FGD5: variants seen among roughly 807,000 people sequenced by gnomAD.
FGD5 encodes FYVE, RhoGEF and PH domain containing 5.
Under a neutral mutation model 133.4 loss-of-function variants are expected in FGD5, and 28 were observed. The observed-to-expected ratio is 0.21, with a 90% CI of 0.16 to 0.29. The LOEUF (loss-of-function observed/expected upper bound fraction) is 0.29. FGD5 is among the 10% of genes least tolerant of loss of function. The pLI is 1.00. For synonymous variants in FGD5, 810 were observed against 776.5 expected (o/e 1.04, Z -0.72); for missense variants, 1,858 against 1,895.2 (o/e 0.98, Z 0.36).
chr3:14,882,264 G>C lies in FGD5; in HGVS notation c.2748+1492G>C, dbSNP rs1234095277. ...CATGACAGAGGGGCTGGGCAATTTTGTTTTATGACTTCATAAGAGGGTTTT... is the reference window on the plus strand; with the variant it reads ...CATGACAGAGGGGCTGGGCAATTTTCTTTTATGACTTCATAAGAGGGTTTT... On this transcript the variant is annotated intron_variant, in intron 4 of 19. Coordinates refer to ENST00000285046, the MANE Select transcript of FGD5 (RefSeq NM_152536.4). The C allele has an allele frequency of 3.0e-6, 3 of 984,546 alleles. No homozygotes were observed. In the African/African-American group the frequency reaches 5.2e-5, roughly 17 times the overall value. The allele number at this position is 984,546 out of a possible 1,614,324, so 61.0% of individuals were successfully genotyped here.
chr3:14,824,972 C>T (rs1185327962), intron 1 of FGD5, among the ~76,000 whole-genome samples: 1 of 152,148 alleles, frequency 6.6e-6, no homozygotes, highest in Non-Finnish European at 1.5e-5. Context: ...GACTTTCTAC[C>T]TGGCAAAACC....
At chr3:14,868,194 G>A (rs2037533069) in intron 2 of FGD5, among the ~76,000 whole-genome samples, 1 of 152,146 alleles carries the variant, frequency 6.6e-6, no homozygotes, top group African/African-American at 2.4e-5. Context: ...CCCTGACAAT[G>A]AGTCTAATGG....
At position 14,844,216 on chromosome 3, in the gene FGD5, AAATATATATATATATAT is replaced by A. The variant is rs1411035896; in HGVS notation, c.2526-19910_2526-19894del. Among the ~76,000 whole-genome samples the A allele has an allele frequency of 1.6e-3, 49 of 30,378 alleles. 7 individuals are homozygous for A. The highest frequency in any genetic ancestry group is 5.1e-3 in the South Asian group (4 of 786). The allele number at this position is 30,378 out of a possible 152,430, so 19.9% of individuals were successfully genotyped here. ...TCTTAATAGGCATTAAAAAAAAAAA[AAATATATATATATATAT>A]ATATATATATATATATATATATATA... On this transcript the variant is annotated intron_variant, in intron 1 of 19. Coordinates refer to ENST00000285046, the MANE Select transcript of FGD5 (RefSeq NM_152536.4).
intron 1 of FGD5, among the ~76,000 whole-genome samples, chr3:14,831,126 G>A (rs1442457254): frequency 6.6e-6 from 1 of 152,164 alleles, no homozygotes; most frequent in Non-Finnish European, 1.5e-5. Context: ...CAGGAGCAAA[G>A]GCCCTTTGTG....
intron 1 of FGD5, among the ~76,000 whole-genome samples, chr3:14,827,254 G>A (rs2036616074): frequency 6.7e-6 from 1 of 150,202 alleles, no homozygotes; most frequent in Admixed American, 6.6e-5. Flanking sequence ...GTTTTCTGTG[G>A]TCGCAAATTG....
intron 1 of FGD5, among the ~76,000 whole-genome samples, chr3:14,854,975 A>G (rs1046650210): frequency 6.6e-6 from 1 of 152,158 alleles, no homozygotes; most frequent in Non-Finnish European, 1.5e-5. Context: ...ATCTGGCTGT[A>G]TCTTTTATTC....
chr3:14,923,763 G>A (rs186541314), intron 16 of FGD5, among the ~76,000 whole-genome samples: 3 of 152,330 alleles, frequency 2.0e-5, no homozygotes, highest in East Asian at 3.9e-4. Flanking sequence ...AGACAGCCCA[G>A]TCCCTGCTAC....
intron 4 of FGD5, 142 bp downstream of exon 4, chr3:14,880,914 A>G (rs2125118009): frequency 9.1e-7 from 1 of 1,100,532 alleles, no homozygotes; most frequent in Non-Finnish European, 1.3e-6. Context: ...GACGCTTTTC[A>G]GGGAAGTCCG....
chr3:14,826,151 G>A (rs777058588), intron 1 of FGD5, among the ~76,000 whole-genome samples: 3 of 151,362 alleles, frequency 2.0e-5, no homozygotes, highest in Non-Finnish European at 4.4e-5. Flanking sequence ...TTATGAAAAT[G>A]TTCAAAAAGT....
intron 7 of FGD5, among the ~76,000 whole-genome samples, chr3:14,899,798 G>A (rs1214402684): frequency 6.6e-6 from 1 of 152,210 alleles, no homozygotes; most frequent in Non-Finnish European, 1.5e-5. Flanking sequence ...GAACAGGGCT[G>A]CTGTGTTAGC....
chr3:14,922,002 C>A lies in FGD5; in HGVS notation c.3654C>A (p.Phe1218Leu), dbSNP rs1354750375. Reference protein sequence around the residue: ...EDYKAQALAAFHHSVEIRERL... With the variant: ...EDYKAQALAALHHSVEIRERL... ...ACAAGGCCCAGGCGCTGGCTGCATT[C>A]CACCATAGCGTGGAGGTGAGTGGGT... is the stretch of plus-strand genomic sequence containing the variant. The change falls in exon 14 of 20, where the codon TTC (phenylalanine) becomes TTA (leucine). Residue 1218 changes from phenylalanine (F) to leucine (L), a missense_variant. By Grantham distance (22) the Phe-to-Leu change is conservative. Coordinates refer to ENST00000285046, the MANE Select transcript of FGD5 (RefSeq NM_152536.4). The surrounding 1 kb of genome is among the most constrained non-coding windows in gnomAD (Gnocchi z 4.1). 1 of 1,561,768 alleles carries A rather than the reference C, an allele frequency of 6.4e-7. No homozygotes were observed. The highest frequency in any genetic ancestry group is 1.9e-5 in the Admixed American group (1 of 52,296).
chr3:14,833,127 G>C (rs1236985436), intron 1 of FGD5, among the ~76,000 whole-genome samples: 1 of 152,200 alleles, frequency 6.6e-6, no homozygotes, highest in African/African-American at 2.4e-5. Context: ...CAGCCACTGA[G>C]CCATGTGTCG....
upstream of FGD5, among the ~76,000 whole-genome samples, chr3:14,816,349 C>T (rs565880689): frequency 7.7e-4 from 118 of 152,296 alleles, 1 homozygote; most frequent in African/African-American, 2.6e-3. Context: ...TCATATTACG[C>T]AGTGTATCAG....
chr3:14,902,281 TAAAAA>T (rs34728691), intron 9 of FGD5, among the ~76,000 whole-genome samples: 1 of 124,486 alleles, frequency 8.0e-6, no homozygotes, highest in African/African-American at 3.1e-5. Flanking sequence ...GATTCCATCT[TAAAAA>T]AAAAAAAAAA....
intron 9 of FGD5, 82 bp downstream of exon 9, chr3:14,901,143 C>A: frequency 6.9e-7 from 1 of 1,444,368 alleles, no homozygotes; most frequent in Non-Finnish European, 9.8e-7. Context: ...TTCTGATGCC[C>A]CACTCCTAGG....
At chr3:14,920,189 A>C (rs951777939) in intron 13 of FGD5, among the ~76,000 whole-genome samples, 4 of 152,024 alleles carry the variant, frequency 2.6e-5, no homozygotes, top group African/African-American at 7.2e-5. Flanking sequence ...CGTGCATGGC[A>C]GGGGTCAGCA....
chr3:14,911,049 G>T (rs963221116), intron 11 of FGD5, 120 bp downstream of exon 11: 20 of 940,446 alleles, frequency 2.1e-5, no homozygotes, highest in Non-Finnish European at 3.2e-5. Context: ...GCAGACATTT[G>T]GGGGTGAGGA....
intron 10 of FGD5, 59 bp downstream of exon 10, chr3:14,907,770 C>G: frequency 6.5e-7 from 1 of 1,542,472 alleles, no homozygotes; most frequent in South Asian, 1.1e-5. Flanking sequence ...CCGATAAGCC[C>G]CATTGTTCAC....
intron 2 of FGD5, among the ~76,000 whole-genome samples, chr3:14,873,179 A>G (rs1465676570): frequency 6.6e-6 from 1 of 152,214 alleles, no homozygotes; most frequent in African/African-American, 2.4e-5. Flanking sequence ...CTCCCATCAC[A>G]TCATGACTGG....
Sources: allele counts gnomAD v4.1 joint callset (sites outside exome capture counted in the v4.1 genomes callset), GRCh38; gene constraint gnomAD v4.1.1; non-coding constraint Gnocchi (gnomAD v3.1); transcripts MANE v1.5; gene names NCBI Gene and HGNC (gene_info 2026-07-23, HGNC 2026-07-21).